Variants in IL10RB observed in about 807,000 individuals in gnomAD.
IL10RB encodes interleukin-10 receptor subunit beta.
IL10RB carries 30 observed loss-of-function variants against 38.7 expected under a neutral mutation model. That is an observed-to-expected ratio of 0.78 (90% confidence interval 0.58 to 1.05). IL10RB has a LOEUF of 1.05. Among genes scored for constraint, IL10RB ranks in the 50% least tolerant of loss-of-function variants. The pLI is 0.00. For synonymous variants in IL10RB, 142 were observed against 145.9 expected (o/e 0.97, Z 0.19); for missense variants, 328 against 397.1 (o/e 0.83, Z 1.48).
intron 1 of IL10RB, among the ~76,000 whole-genome samples, chr21:33,306,242 G>A (rs1360246716): frequency 6.6e-6 from 1 of 152,154 alleles, no homozygotes; most frequent in Non-Finnish European, 1.5e-5. Context: ...GAAGCAATAT[G>A]AGAAAAGAAT....
At chr21:33,271,471 G>A (rs1013760349) in intron 2 of IL10RB, among the ~76,000 whole-genome samples, 14 of 152,280 alleles carry the variant, frequency 9.2e-5, no homozygotes, top group South Asian at 4.1e-4. Flanking sequence ...GCTCATGCCC[G>A]TAATCCCAGC....
chr21:33,289,105 C>A (rs995590365), intron 6 of IL10RB, among the ~76,000 whole-genome samples: 7 of 152,212 alleles, frequency 4.6e-5, no homozygotes, highest in African/African-American at 1.7e-4. Context: ...ATGTCCTAAG[C>A]TGAGGCAAGA....
chr21:33,279,074 C>T (rs918084423), intron 3 of IL10RB, among the ~76,000 whole-genome samples: 14 of 152,256 alleles, frequency 9.2e-5, no homozygotes, highest in Admixed American at 6.5e-4. Flanking sequence ...TAAATAGATA[C>T]ATATTACATG....
chr21:33,273,300 CA>C (rs1989113383), intron 2 of IL10RB, among the ~76,000 whole-genome samples: 1 of 152,106 alleles, frequency 6.6e-6, no homozygotes, highest in African/African-American at 2.4e-5. Context: ...GCTAAAACCA[CA>C]ATAGAGTGAG....
chr21:33,295,928 C>T (rs191232346), intron 6 of IL10RB, among the ~76,000 whole-genome samples: 2 of 152,022 alleles, frequency 1.3e-5, no homozygotes, highest in South Asian at 2.1e-4. Flanking sequence ...CCTGTAATCT[C>T]AGCTACTTGG....
chr21:33,310,054 C>T (rs939820751), exon 2 of IL10RB: 1 of 152,140 alleles, frequency 6.6e-6, no homozygotes, highest in East Asian at 1.9e-4. Context: ...CATATGAGGA[C>T]ACAGTGAGAA....
Position 33,290,031 on chromosome 21 carries a change from G to A in IL10RB, c.804+1770G>A, listed in dbSNP as rs539919257. ...CGGGAGGCTGAGGCAGGAGAATGGC[G>A]TGAACCCGGGAGGCGGAGCTGGCAG... On this transcript the variant is annotated intron_variant, in intron 6 of 6. Transcript: ENST00000290200. 2.1e-4 allele frequency among the ~76,000 whole-genome samples: 32 copies of A among 152,096 alleles called. No individual in the cohort carries two copies. The South Asian group carries it at 4.6e-3, about 22-fold the overall frequency.
downstream of IL10RB, among the ~76,000 whole-genome samples, chr21:33,300,517 G>GT (rs1029145390): frequency 2.0e-4 from 31 of 151,750 alleles, no homozygotes; most frequent in East Asian, 5.8e-3. Context: ...ACAGAGAGCT[G>GT]TAAGTTAACA....
downstream of IL10RB, among the ~76,000 whole-genome samples, chr21:33,299,028 T>C (rs1356332367): frequency 6.6e-6 from 1 of 152,172 alleles, no homozygotes; most frequent in Non-Finnish European, 1.5e-5. Context: ...ACCAATCCAC[T>C]ATGCCCTATA....
Position 33,266,394 on chromosome 21 carries a change from C to T in IL10RB, c.-72C>T. The T allele has an allele frequency of 6.7e-7, 1 of 1,501,220 alleles. No individual in the cohort carries two copies. Among genetic ancestry groups the T allele is most frequent in the Non-Finnish European group, 8.9e-7 (1 of 1,118,794 alleles). The allele number at this position is 1,501,220 out of a possible 1,614,324, so 93.0% of individuals were successfully genotyped here. On this transcript the variant is annotated 5_prime_UTR_variant, in exon 1 of 7. Coordinates refer to ENST00000290200, the MANE Select transcript of IL10RB (RefSeq NM_000628.5). ...CTCCGCTGGTTCCCGGAAGCCGCCG[C>T]GGACAAGCTCTCCCGGGCGCGGGCG...
intron 2 of IL10RB, among the ~76,000 whole-genome samples, chr21:33,272,083 C>T (rs1350346142): frequency 1.6e-4 from 24 of 151,972 alleles, no homozygotes; most frequent in Non-Finnish European, 2.9e-5. Context: ...GTTAAGCAGC[C>T]GTGAAGAAAT....
At chr21:33,286,987 CTG>C (rs1166989353) in intron 5 of IL10RB, among the ~76,000 whole-genome samples, 2 of 152,144 alleles carry the variant, frequency 1.3e-5, no homozygotes, top group East Asian at 3.8e-4. Context: ...CCCTCTGTGT[CTG>C]TGAACCGGTG....
intron 6 of IL10RB, among the ~76,000 whole-genome samples, chr21:33,288,521 CCTT>C (rs1303855663): frequency 3.3e-5 from 5 of 152,090 alleles, no homozygotes; most frequent in Admixed American, 3.3e-4. Context: ...GGGCATCGCT[CCTT>C]CTCCAGCCTT....
At chr21:33,283,302 G>A in intron 5 of IL10RB, 61 bp downstream of exon 5, 2 of 1,510,878 alleles carry the variant, frequency 1.3e-6, no homozygotes, top group Non-Finnish European at 1.8e-6. Flanking sequence ...ACCTGCCCTA[G>A]ACATGATTGC....
chr21:33,290,929 C>T (rs1018085414), intron 6 of IL10RB, among the ~76,000 whole-genome samples: 1 of 152,176 alleles, frequency 6.6e-6, no homozygotes, highest in Admixed American at 6.5e-5. Context: ...GTTCTCGAGG[C>T]CAGACGTCCA....
At chr21:33,304,946 C>CA (rs531662702) in intron 1 of IL10RB, among the ~76,000 whole-genome samples, 235 of 152,104 alleles carry the variant, frequency 1.5e-3, no homozygotes, top group African/African-American at 4.8e-3. Flanking sequence ...ACTAAGGACA[C>CA]AAAAAAAGCA....
chr21:33,267,869 C>T, intron 1 of IL10RB: 1 of 188,188 alleles, frequency 5.3e-6, no homozygotes, highest in Non-Finnish European at 1.1e-5. Flanking sequence ...CTCTAGCCCA[C>T]ATCTCTTCTT....
chr21:33,292,420 TCC>T (rs1193114196), intron 6 of IL10RB, among the ~76,000 whole-genome samples: 5 of 151,898 alleles, frequency 3.3e-5, no homozygotes, highest in Non-Finnish European at 4.4e-5. Flanking sequence ...TAATTACCCA[TCC>T]CCCTTTATGG....
At chr21:33,280,035 AG>A in intron 4 of IL10RB, 117 bp downstream of exon 4, 1 of 892,642 alleles carries the variant, frequency 1.1e-6, no homozygotes, top group Non-Finnish European at 1.9e-6. Flanking sequence ...TCCCAGACTG[AG>A]GGGTTACTGG....
Sources: allele counts gnomAD v4.1 joint callset (sites outside exome capture counted in the v4.1 genomes callset), GRCh38; gene constraint gnomAD v4.1.1; transcripts MANE v1.5; gene names NCBI Gene and HGNC (gene_info 2026-07-23, HGNC 2026-07-21).